Variants in USP54 observed in about 807,000 individuals in gnomAD.
USP54 encodes ubiquitin carboxyl-terminal hydrolase 54.
A neutral mutation model predicts 170.5 loss-of-function variants in USP54; 87 were observed. That is an observed-to-expected ratio of 0.51 (90% CI 0.43 to 0.61). The LOEUF (loss-of-function observed/expected upper bound fraction) is 0.61. Among genes scored for constraint, USP54 ranks in the 20% least tolerant of loss-of-function variants. The pLI, the probability that USP54 is intolerant of heterozygous loss-of-function variation, is 0.00. For missense variants in USP54, 1,786 were observed against 2,047.8 expected (o/e 0.87, Z 2.47); for synonymous variants, 655 against 742.8 (o/e 0.88, Z 1.92).
rs560140404 is a variant in USP54, at chr10:73,511,189, C to A, written c.4051+5186G>T. 1.1e-4 allele frequency among the ~76,000 whole-genome samples: 16 copies of A among 149,966 alleles called. No homozygotes were observed. The South Asian group carries it at 1.7e-3, about 16-fold the overall frequency. On this transcript the variant is annotated intron_variant, in intron 20 of 23. Coordinates refer to ENST00000687698, the MANE Select transcript of USP54 (RefSeq NM_001391956.1). ...TCTCAGCTCACTGCAACCTCTGCCTCCTGGGTTCAAACGATTCTCCCACCT... is the reference window on the plus strand; with the variant it reads ...TCTCAGCTCACTGCAACCTCTGCCTACTGGGTTCAAACGATTCTCCCACCT...
chr10:73,598,160 C>G (rs569987144), intron 1 of USP54, among the ~76,000 whole-genome samples: 9 of 152,254 alleles, frequency 5.9e-5, no homozygotes, highest in South Asian at 4.1e-4. Context: ...TAACAGCTGT[C>G]AGGTTCAGTA....
At chr10:73,522,989 G>C (rs1306293106) in intron 17 of USP54, among the ~76,000 whole-genome samples, 5 of 152,174 alleles carry the variant, frequency 3.3e-5, no homozygotes, top group African/African-American at 1.2e-4. Flanking sequence ...AGATACTTCA[G>C]CTTGGCTGAA....
intron 1 of USP54, among the ~76,000 whole-genome samples, chr10:73,597,264 G>A (rs1037487315): frequency 2.6e-5 from 4 of 152,162 alleles, no homozygotes; most frequent in African/African-American, 7.2e-5. Context: ...CTGGGGACTA[G>A]ACTGCCTTTG....
chr10:73,562,683 C>A (rs183424043), intron 4 of USP54, among the ~76,000 whole-genome samples: 9 of 152,210 alleles, frequency 5.9e-5, no homozygotes, highest in Non-Finnish European at 1.0e-4. Context: ...ATTTTTAAAT[C>A]CACTCTAGTG....
chr10:73,504,964 C>T lies in USP54; in HGVS notation c.4197G>A (p.Arg1399=). ...SQATPCRGLS[R]ECGEDEQYSA... ...TGTACTGCTCATCCTCCCCACACTC[C>T]CTGCTGAGGCCTCGGCAAGGTGTAG... is the stretch of plus-strand genomic sequence containing the variant. Residue 1399 remains arginine (R), a synonymous_variant, in exon 22 of 24, where the codon AGG becomes AGA. Coordinates refer to ENST00000687698, the MANE Select transcript of USP54 (RefSeq NM_001391956.1). The T allele has an allele frequency of 1.2e-6, 2 of 1,614,150 alleles. No individual in the cohort carries two copies. Among genetic ancestry groups the T allele is most frequent in the East Asian group, 2.2e-5 (1 of 44,892 alleles).
At chr10:73,600,343 G>A (rs751634190) in intron 1 of USP54, among the ~76,000 whole-genome samples, 1 of 152,124 alleles carries the variant, frequency 6.6e-6, no homozygotes, top group Non-Finnish European at 1.5e-5. Flanking sequence ...GGAAGTGGGG[G>A]TAGCTATAAA....
chr10:73,614,522 G>A (rs1468391626), intron 1 of USP54, among the ~76,000 whole-genome samples: 9 of 140,934 alleles, frequency 6.4e-5, no homozygotes, highest in East Asian at 4.1e-4. Context: ...ATCACGCCAC[G>A]GCACTCCAGC....
intron 1 of USP54, among the ~76,000 whole-genome samples, chr10:73,609,603 T>C (rs2079962669): frequency 6.6e-6 from 1 of 151,808 alleles, no homozygotes; most frequent in African/African-American, 2.4e-5. Context: ...CCCAGCACTT[T>C]GGGAGGCAGA....
intron 4 of USP54, among the ~76,000 whole-genome samples, chr10:73,565,054 A>G (rs531442480): frequency 6.6e-6 from 1 of 152,154 alleles, no homozygotes; most frequent in East Asian, 1.9e-4. Context: ...AGGCTGGGTG[A>G]CAGAGCAAGA....
chr10:73,591,146 G>A (rs997860273), intron 1 of USP54, 132 bp downstream of exon 1: 10 of 152,000 alleles, frequency 6.6e-5, no homozygotes, highest in Admixed American at 2.6e-4. Flanking sequence ...TTAATCTACT[G>A]CTATTAAAAG....
At chr10:73,512,012 C>T (rs1005185238) in intron 20 of USP54, among the ~76,000 whole-genome samples, 3 of 152,128 alleles carry the variant, frequency 2.0e-5, no homozygotes, top group African/African-American at 7.2e-5. Context: ...TCCCAAAGTG[C>T]TGGGATTACA....
At chr10:73,526,126 T>C (rs1349851467) in intron 16 of USP54, among the ~76,000 whole-genome samples, 1 of 152,168 alleles carries the variant, frequency 6.6e-6, no homozygotes, top group Non-Finnish European at 1.5e-5. Flanking sequence ...CCACAAGGGC[T>C]CCCTCCAGGT....
rs1370224578 is a variant in USP54, at chr10:73,557,281, G to C, written c.241-11609C>G. The stretch of plus-strand genomic sequence containing the variant: ...TAGTGATATGAGATAGAATAAATTT[G>C]GGGCTTTTGAGGGGACAGGGTAATT... On this transcript the variant is annotated intron_variant, in intron 4 of 23. Transcript: ENST00000687698. Among the ~76,000 whole-genome samples, 6 of 152,074 alleles carry C rather than the reference G, an allele frequency of 3.9e-5. No homozygotes were observed. In the South Asian group the frequency reaches 1.2e-3, roughly 32 times the overall value.
upstream of USP54, chr10:73,625,964 C>G (rs1015488891): frequency 6.6e-6 from 1 of 152,036 alleles, no homozygotes; most frequent in African/African-American, 2.4e-5. Flanking sequence ...ACTTAACCGC[C>G]GCGGCTGCTA....
At position 73,530,501 on chromosome 10, in the gene USP54, C is replaced by T. The variant is rs982369288; in HGVS notation, c.1470G>A (p.Gln490=). The part of the protein sequence containing the change: ...HSEGETLKEK[Q]APRNASKPSS... Reference sequence around the variant, plus strand: ...ATGGTTTGGAGGCATTTCTAGGAGCCTGCTTCTCTTTCAGTGTTTCTCCTA... The same window carrying T: ...ATGGTTTGGAGGCATTTCTAGGAGCTTGCTTCTCTTTCAGTGTTTCTCCTA... The change falls in exon 14 of 24, where the codon CAG becomes CAA. Residue 490 remains glutamine (Q), a synonymous_variant. Transcript: ENST00000687698. 2 of 1,609,260 alleles carry T rather than the reference C, an allele frequency of 1.2e-6. No individual in the cohort carries two copies. Among genetic ancestry groups the T allele is most frequent in the Admixed American group, 1.7e-5 (1 of 58,664 alleles).
At chr10:73,594,183 G>A (rs1211216920), upstream of USP54, among the ~76,000 whole-genome samples, 1 of 151,856 alleles carries the variant, frequency 6.6e-6, no homozygotes, top group Non-Finnish European at 1.5e-5. Context: ...TGATTCTCCT[G>A]CTTCAGCCTC....
In USP54 at chr10:73,536,383, G is replaced by T; in HGVS notation, c.1030C>A (p.Pro344Thr). The T allele has an allele frequency of 1.2e-6, 2 of 1,604,942 alleles. No individual in the cohort carries two copies. Among genetic ancestry groups the T allele is most frequent in the East Asian group, 2.2e-5 (1 of 44,760 alleles). Residue 344 changes from proline (P) to threonine (T), a missense_variant, in exon 11 of 24, where the codon CCC becomes ACC. By Grantham distance (38) the Pro-to-Thr change is conservative. Around this residue, in one of 3 missense-constraint regions of USP54, gnomAD observed 361 missense variants for 455.0 expected, o/e 0.79. Coordinates refer to ENST00000687698, the MANE Select transcript of USP54 (RefSeq NM_001391956.1). Reference protein sequence around the residue: ...VTKCIKGHYQPLLLLYADPQG... With the variant: ...VTKCIKGHYQTLLLLYADPQG... ...GGATCTGCATAAAGCAGCAGCAGGG[G>T]CTGATAATGCCCCTTGATGCATTTG...
At chr10:73,579,203 G>A (rs1335387798) in intron 1 of USP54, among the ~76,000 whole-genome samples, 3 of 151,174 alleles carry the variant, frequency 2.0e-5, no homozygotes, top group East Asian at 2.0e-4. Flanking sequence ...CACCATCCTC[G>A]GCCTCCCACA....
chr10:73,611,110 A>G (rs2080105758), intron 1 of USP54, among the ~76,000 whole-genome samples: 1 of 152,220 alleles, frequency 6.6e-6, no homozygotes, highest in Admixed American at 6.5e-5. Context: ...ATACCTCCTT[A>G]ATATACAAAT....
Sources: gnomAD v4.1 joint callset for allele counts (sites outside exome capture counted in the v4.1 genomes callset) on GRCh38, gnomAD v4.1.1 for gene constraint, gnomAD v4.1.1 regional missense constraint, MANE v1.5 for transcripts, NCBI Gene and HGNC (gene_info 2026-07-23, HGNC 2026-07-21) for gene names.